INPP4A: variants seen among roughly 807,000 people sequenced by gnomAD.
The protein encoded by INPP4A is inositol polyphosphate-4-phosphatase type I A, also known as inositol polyphosphate-4-phosphatase, type I, 107kD.
INPP4A carries 33 observed loss-of-function variants against 119.8 expected under a neutral mutation model. That is an observed-to-expected ratio of 0.28 (90% CI 0.21 to 0.37). INPP4A has a LOEUF of 0.37. INPP4A is among the 10% of genes least tolerant of loss of function. The pLI is 1.00. For synonymous variants in INPP4A, 496 were observed against 500.7 expected (o/e 0.99, Z 0.12); for missense variants, 956 against 1,289.9 (o/e 0.74, Z 3.97).
In INPP4A at chr2:98,474,322, G is replaced by T. The variant is rs116518476; in HGVS notation, c.-166+29237G>T. Among the ~76,000 whole-genome samples the T allele has an allele frequency of 5.2e-3, 792 of 152,302 alleles. 11 individuals are homozygous for T. Among genetic ancestry groups the T allele is most frequent in the African/African-American group, 0.018 (736 of 41,566 alleles). On this transcript the variant is annotated intron_variant, in intron 1 of 24. Transcript: ENST00000409851. ...TTGGTGAGGCCCAAGAGTGGATTTT[G>T]TTTTTTGAAGCAGGATTCTTACACA...
At position 98,555,571 on chromosome 2, in the gene INPP4A, G is replaced by T; in HGVS notation, c.1585G>T (p.Val529Leu). 1.2e-6 allele frequency: 2 copies of T among 1,604,118 alleles called. No homozygotes were observed. The highest frequency in any genetic ancestry group is 1.7e-6 in the Non-Finnish European group (2 of 1,172,178). Residue 529 changes from valine to leucine, a missense_variant, in exon 16 of 25, where the codon GTG (valine) becomes TTG (leucine). Transcript: ENST00000409851. The part of the protein sequence containing the change: ...EEEWEKVWLN[V>L]DKSLECIIQR... ...TTGGAAGGAGAAAGTGTGGCTGAACGTGGACAAGAGCCTAGAGTGCATCAT... is the reference window on the plus strand; with the variant it reads ...TTGGAAGGAGAAAGTGTGGCTGAACTTGGACAAGAGCCTAGAGTGCATCAT...
At chr2:98,511,788 T>C (rs1157414978) in intron 1 of INPP4A, among the ~76,000 whole-genome samples, 1 of 152,170 alleles carries the variant, frequency 6.6e-6, no homozygotes, top group Admixed American at 6.5e-5. Context: ...GTTCACCAGG[T>C]CTGATGCCAT....
chr2:98,459,467 T>G (rs1307864079), intron 1 of INPP4A, among the ~76,000 whole-genome samples: 1 of 152,198 alleles, frequency 6.6e-6, no homozygotes, highest in Non-Finnish European at 1.5e-5. Context: ...GGAGGCCCTC[T>G]TACCCTCTCC....
intron 4 of INPP4A, chr2:98,521,112 C>T (rs931378224): frequency 5.2e-6 from 1 of 191,132 alleles, no homozygotes; most frequent in Admixed American, 6.1e-5. Flanking sequence ...CTTTGTTGCC[C>T]CTGGCTGCAA....
At chr2:98,487,883 G>C (rs1178223898) in intron 1 of INPP4A, among the ~76,000 whole-genome samples, 2 of 152,174 alleles carry the variant, frequency 1.3e-5, no homozygotes, top group Non-Finnish European at 2.9e-5. Context: ...AGATAAAACT[G>C]GTTTCAGGTC....
At position 98,566,267 on chromosome 2, in the gene INPP4A, CTT is replaced by C. The variant is rs893699908; in HGVS notation, c.2420+100_2420+101del. On this transcript the variant is annotated intron_variant, in intron 21 of 24. Coordinates refer to ENST00000409851, the MANE Select transcript of INPP4A (RefSeq NM_001134225.2). The surrounding 1 kb of genome is among the most constrained non-coding windows in gnomAD (Gnocchi z 4.2). Reference sequence around the variant, plus strand: ...CTTCAGGCTCTAAGTGCTGGACAGACTTTGTCATCCTTCCTTCCTTTGGCCAA... The same window carrying C: ...CTTCAGGCTCTAAGTGCTGGACAGACTGTCATCCTTCCTTCCTTTGGCCAA... The C allele has an allele frequency of 1.9e-5, 24 of 1,264,924 alleles. No homozygotes were observed. In the African/African-American group the frequency reaches 3.4e-4, roughly 18 times the overall value. 78.4% of individuals were successfully genotyped at this position (1,264,924 alleles called of 1,614,324 possible).
At position 98,537,923 on chromosome 2, in the gene INPP4A, G is replaced by T; in HGVS notation, c.528G>T (p.Lys176Asn). 6.2e-7 allele frequency: 1 copy of T among 1,613,358 alleles called. No individual in the cohort carries two copies. The highest frequency in any genetic ancestry group is 1.7e-4 in the Middle Eastern group (1 of 6,058). Residue 176 changes from lysine (K) to asparagine (N), a missense_variant, in exon 8 of 25, where the codon AAG becomes AAT. Coordinates refer to ENST00000409851, the MANE Select transcript of INPP4A (RefSeq NM_001134225.2). ...ITVIGWQMEE[K>N]SDQRPPVTRS... ...TGATTGGCTGGCAGATGGAGGAGAA[G>T]TCAGACCAACGGCCCCCTGTGACCC...
intron 1 of INPP4A, among the ~76,000 whole-genome samples, chr2:98,474,787 A>G (rs1320966267): frequency 1.3e-5 from 2 of 152,218 alleles, no homozygotes; most frequent in African/African-American, 4.8e-5. Flanking sequence ...TTTCATGGAT[A>G]AAAACATCTT....
chr2:98,576,968 G>A (rs748880521), intron 23 of INPP4A, 21 bp from the exon 24 acceptor site: 29 of 1,602,954 alleles, frequency 1.8e-5, no homozygotes, highest in African/African-American at 4.0e-5. Flanking sequence ...CTCTAAGCAC[G>A]GCCCATGTTT....
At chr2:98,528,680 G>C (rs552275624) in intron 4 of INPP4A, among the ~76,000 whole-genome samples, 19 of 152,256 alleles carry the variant, frequency 1.2e-4, no homozygotes, top group African/African-American at 3.6e-4. Context: ...CATGTATAAG[G>C]GATCATCAAT....
intron 4 of INPP4A, 75 bp from the exon 5 acceptor site, chr2:98,533,302 G>A (rs1414188816): frequency 9.2e-6 from 8 of 869,298 alleles, no homozygotes; most frequent in Admixed American, 1.8e-5. Context: ...TGCTTTCTTT[G>A]AATGTGTTTG....
At chr2:98,466,521 T>C (rs1441861821) in intron 1 of INPP4A, among the ~76,000 whole-genome samples, 1 of 152,244 alleles carries the variant, frequency 6.6e-6, no homozygotes, top group Non-Finnish European at 1.5e-5. Context: ...CATTTAATCC[T>C]CTGGACACCT....
At chr2:98,462,059 C>G (rs936701587) in intron 1 of INPP4A, among the ~76,000 whole-genome samples, 1 of 152,176 alleles carries the variant, frequency 6.6e-6, no homozygotes, top group Admixed American at 6.5e-5. Context: ...AGCTTCTGCC[C>G]GTTTATTTCA....
chr2:98,471,315 G>C (rs1675963082), intron 1 of INPP4A, among the ~76,000 whole-genome samples: 1 of 152,194 alleles, frequency 6.6e-6, no homozygotes, highest in Admixed American at 6.5e-5. Flanking sequence ...GAATGACCCT[G>C]TTGGGTTAAA....
intron 16 of INPP4A, among the ~76,000 whole-genome samples, chr2:98,558,968 C>T (rs887504982): frequency 6.6e-6 from 1 of 152,176 alleles, no homozygotes; most frequent in Non-Finnish European, 1.5e-5. Flanking sequence ...GATCTTAACA[C>T]TTTGGATCTC....
intron 1 of INPP4A, among the ~76,000 whole-genome samples, chr2:98,492,183 A>C (rs765168455): frequency 6.6e-6 from 1 of 152,048 alleles, no homozygotes; most frequent in Non-Finnish European, 1.5e-5. Flanking sequence ...GCCACCGACA[A>C]CTGCATTTTT....
chr2:98,480,304 G>T (rs1158755884), intron 1 of INPP4A, among the ~76,000 whole-genome samples: 3 of 152,208 alleles, frequency 2.0e-5, no homozygotes, highest in African/African-American at 4.8e-5. Context: ...TGGGCATTGG[G>T]CCAGATGTCT....
intron 22 of INPP4A, among the ~76,000 whole-genome samples, chr2:98,571,336 T>G (rs1184258087): frequency 1.3e-5 from 2 of 152,178 alleles, no homozygotes; most frequent in Non-Finnish European, 1.5e-5. Flanking sequence ...ATCTTCTGAC[T>G]GCTGTAGGGG....
intron 1 of INPP4A, among the ~76,000 whole-genome samples, chr2:98,478,770 C>T (rs760627837): frequency 2.6e-5 from 4 of 152,280 alleles, no homozygotes; most frequent in Admixed American, 2.0e-4. Flanking sequence ...CTATTCTGTC[C>T]TGACTTACTC....
Sources: gnomAD v4.1 joint callset for allele counts (sites outside exome capture counted in the v4.1 genomes callset) on GRCh38, gnomAD v4.1.1 for gene constraint, Gnocchi (gnomAD v3.1) non-coding constraint, MANE v1.5 for transcripts, NCBI Gene and HGNC (gene_info 2026-07-23, HGNC 2026-07-21) for gene names.